PDE4D: variants seen among roughly 807,000 people sequenced by gnomAD.
The protein encoded by PDE4D is phosphodiesterase 4D.
In PDE4D, 24 loss-of-function variants were observed where a neutral mutation model predicts 87.4. That is an observed-to-expected ratio of 0.27 (90% CI 0.20 to 0.39). PDE4D has a LOEUF of 0.39. PDE4D is among the 10% of genes least tolerant of loss of function. The pLI is 1.00. For synonymous variants in PDE4D, 384 were observed against 383.2 expected, an observed-to-expected ratio of 1.00 and a Z score of -0.02; for missense variants, 714 against 1,041.0, an observed-to-expected ratio of 0.69 and a Z score of 4.32.
intron 1 of PDE4D, among the ~76,000 whole-genome samples, chr5:60,209,187 C>CTTTTTTTTTTTTTTTT (rs58524375): frequency 9.2e-6 from 1 of 108,496 alleles, no homozygotes; most frequent in Non-Finnish European, 1.8e-5. Context: ...TTCTTTTTTT[C>CTTTTTTTTTTTTTTTT]TTTTTTTTTT....
chr5:59,657,395 T>C (rs1198482891), intron 1 of PDE4D, among the ~76,000 whole-genome samples: 1 of 152,152 alleles, frequency 6.6e-6, no homozygotes. Context: ...GTAGATTTTT[T>C]TCATCACCAA....
intron 1 of PDE4D, among the ~76,000 whole-genome samples, chr5:59,823,307 C>A (rs1335627779): frequency 6.6e-6 from 1 of 152,154 alleles, no homozygotes; most frequent in Non-Finnish European, 1.5e-5. Flanking sequence ...AAAGCAATTT[C>A]CCCCACATTT....
At chr5:59,868,761 T>C (rs1747405534) in intron 1 of PDE4D, among the ~76,000 whole-genome samples, 1 of 152,186 alleles carries the variant, frequency 6.6e-6, no homozygotes, top group Non-Finnish European at 1.5e-5. Context: ...TGCGAAATAA[T>C]ACTAGCAAAA....
intron 1 of PDE4D, among the ~76,000 whole-genome samples, chr5:59,695,580 C>A (rs1580479361): frequency 6.6e-6 from 1 of 151,990 alleles, no homozygotes; most frequent in Admixed American, 6.6e-5. Context: ...GTGACATATT[C>A]AAAAATGGTG....
intron 1 of PDE4D, among the ~76,000 whole-genome samples, chr5:60,190,553 G>A (rs1419557451): frequency 6.6e-6 from 1 of 152,196 alleles, no homozygotes; most frequent in Non-Finnish European, 1.5e-5. Flanking sequence ...TAGAATCTGA[G>A]ATTTAGAAAG....
chr5:59,380,388 C>CAAAAA lies in PDE4D; in HGVS notation c.456-164425_456-164421dup, dbSNP rs10574102. On this transcript the variant is annotated intron_variant, in intron 1 of 14. Coordinates refer to ENST00000340635, the MANE Select transcript of PDE4D (RefSeq NM_001104631.2). ...ATTTTATGAAAGGGCCAAAAGCAAT[C>CAAAAA]AAAAAAAAAAAAAAAAAAGAGAGAG... Among the ~76,000 whole-genome samples the CAAAAA allele has an allele frequency of 2.6e-3, 279 of 108,882 alleles. 2 individuals are homozygous for CAAAAA. Among genetic ancestry groups the CAAAAA allele is most frequent in the Middle Eastern group, 9.8e-3 (2 of 204 alleles). The allele number at this position is 108,882 out of a possible 152,430, so 71.4% of individuals were successfully genotyped here.
In PDE4D at chr5:59,026,796, A is replaced by G. The variant is rs139650778; in HGVS notation, c.921+12063T>C. On this transcript the variant is annotated intron_variant, in intron 6 of 14. Coordinates refer to ENST00000340635, the MANE Select transcript of PDE4D (RefSeq NM_001104631.2). ...AAAAGATGGCTTCGATCTTTTAAAT[A>G]AAACTTTTTGTTTTAGAACAGATCT... Among the ~76,000 whole-genome samples, 1,100 of 152,312 alleles carry G rather than the reference A, an allele frequency of 7.2e-3. 12 individuals carry two copies. Among genetic ancestry groups the G allele is most frequent in the African/African-American group, 0.025 (1,042 of 41,576 alleles).
At chr5:59,084,567 AT>A in intron 5 of PDE4D, among the ~76,000 whole-genome samples, 1 of 152,066 alleles carries the variant, frequency 6.6e-6, no homozygotes. Context: ...AAAAGTTAAT[AT>A]TCTTAATCTC....
At chr5:59,410,598 T>C (rs1792488589) in intron 1 of PDE4D, among the ~76,000 whole-genome samples, 1 of 152,110 alleles carries the variant, frequency 6.6e-6, no homozygotes, top group African/African-American at 2.4e-5. Flanking sequence ...ACATATGCAG[T>C]TTATCTTTCT....
At chr5:59,264,047 T>A (rs555113113) in intron 1 of PDE4D, among the ~76,000 whole-genome samples, 1 of 152,204 alleles carries the variant, frequency 6.6e-6, no homozygotes, top group African/African-American at 2.4e-5. Context: ...TGTATTTGTA[T>A]GTATGCATAA....
intron 1 of PDE4D, among the ~76,000 whole-genome samples, chr5:60,231,898 T>C (rs1467570079): frequency 9.2e-5 from 14 of 151,924 alleles, no homozygotes; most frequent in Admixed American, 4.6e-4. Context: ...AATAGTTGTA[T>C]GCCAAAAATG....
intron 1 of PDE4D, among the ~76,000 whole-genome samples, chr5:59,336,443 A>G (rs1777669390): frequency 6.6e-6 from 1 of 152,208 alleles, no homozygotes; most frequent in Non-Finnish European, 1.5e-5. Context: ...TAATGTTGTT[A>G]GAAACTGGTA....
At chr5:60,118,435 C>T (rs769427246) in intron 2 of PDE4D, among the ~76,000 whole-genome samples, 1 of 152,062 alleles carries the variant, frequency 6.6e-6, no homozygotes, top group Non-Finnish European at 1.5e-5. Context: ...TCAATTTGTG[C>T]CTGGGTTTTT....
chr5:59,768,267 A>C (rs758238432), intron 1 of PDE4D: 1 of 1,598,134 alleles, frequency 6.3e-7, no homozygotes, highest in South Asian at 1.1e-5. Flanking sequence ...CCACCGTGAA[A>C]CGCCGCTGTT....
chr5:59,237,830 G>A (rs1014722497), intron 1 of PDE4D, among the ~76,000 whole-genome samples: 3 of 150,146 alleles, frequency 2.0e-5, no homozygotes, highest in African/African-American at 4.9e-5. Flanking sequence ...TGAACTCAGT[G>A]ATATGAAATG....
At chr5:59,105,532 C>G (rs1049832906) in intron 5 of PDE4D, among the ~76,000 whole-genome samples, 2 of 152,098 alleles carry the variant, frequency 1.3e-5, no homozygotes, top group African/African-American at 4.8e-5. Flanking sequence ...ACTCCCCTTA[C>G]CCCTTACAAA....
At chr5:59,310,896 G>C (rs1468573494) in intron 1 of PDE4D, among the ~76,000 whole-genome samples, 1 of 152,138 alleles carries the variant, frequency 6.6e-6, no homozygotes, top group South Asian at 2.1e-4. Context: ...CCAGAGAAAG[G>C]AAGGCCCAGT....
At chr5:59,882,550 T>C (rs1420189575) in intron 1 of PDE4D, among the ~76,000 whole-genome samples, 1 of 152,174 alleles carries the variant, frequency 6.6e-6, no homozygotes, top group Non-Finnish European at 1.5e-5. Flanking sequence ...GTGAGTAAAT[T>C]ATTCTAAAAC....
At chr5:59,008,227 T>C (rs1380314912) in intron 6 of PDE4D, among the ~76,000 whole-genome samples, 1 of 151,984 alleles carries the variant, frequency 6.6e-6, no homozygotes, top group Non-Finnish European at 1.5e-5. Flanking sequence ...TGTCTCCTTA[T>C]AGAGAAAATT....
Sources: allele counts gnomAD v4.1 joint callset (sites outside exome capture counted in the v4.1 genomes callset), GRCh38; gene constraint gnomAD v4.1.1; transcripts MANE v1.5; gene names NCBI Gene and HGNC (gene_info 2026-07-23, HGNC 2026-07-21).